The following TASP1 variants were observed in gnomAD, a reference collection of about 807,000 sequenced individuals.
TASP1 encodes the protein threonine aspartase 1.
TASP1 carries 16 observed loss-of-function variants against 56.6 expected under a neutral mutation model. The observed-to-expected ratio is 0.28, with a 90% CI of 0.19 to 0.43. The LOEUF is 0.43. Ranked by LOEUF, TASP1 falls within the 20% of genes least tolerant of loss-of-function variation. The probability of loss-of-function intolerance (pLI) is 1.00; values close to 1 mark genes in which losing one functional copy is unlikely to be tolerated. For missense variants in TASP1, 393 were observed against 511.6 expected, an observed-to-expected ratio of 0.77 and a Z score of 2.24; for synonymous variants, 179 against 184.2, an observed-to-expected ratio of 0.97 and a Z score of 0.23.
chr20:13,298,560 C>T, the TASP1 span, among the ~76,000 whole-genome samples: 2 of 152,066 alleles, frequency 1.3e-5, no homozygotes, highest in Non-Finnish European at 2.9e-5. Flanking sequence ...TATATTTCCA[C>T]AACATTTTTT....
chr20:13,462,297 G>A (rs2044082257), intron 11 of TASP1, among the ~76,000 whole-genome samples: 1 of 152,144 alleles, frequency 6.6e-6, no homozygotes, highest in Non-Finnish European at 1.5e-5. Flanking sequence ...CATTTGAAAT[G>A]TGGCTAGTAC....
chr20:13,106,410 A>G, the TASP1 span, among the ~76,000 whole-genome samples: 1 of 152,188 alleles, frequency 6.6e-6, no homozygotes, highest in Non-Finnish European at 1.5e-5. Flanking sequence ...ACAAGTCGGG[A>G]GGGACACCAA....
the TASP1 span, among the ~76,000 whole-genome samples, chr20:13,348,986 G>A: frequency 0.011 from 1,621 of 152,260 alleles, 42 homozygotes; most frequent in African/African-American, 0.037. Context: ...AGAGCAGTAC[G>A]GTTAACTTCA....
the TASP1 span, among the ~76,000 whole-genome samples, chr20:13,146,112 C>T: frequency 4.6e-5 from 7 of 152,190 alleles, no homozygotes; most frequent in African/African-American, 1.7e-4. Context: ...AGAACAAGAT[C>T]ATGTCTTTTG....
chr20:13,419,669 G>A (rs1341744945), intron 12 of TASP1, among the ~76,000 whole-genome samples: 7 of 152,190 alleles, frequency 4.6e-5, no homozygotes, highest in Admixed American at 3.3e-4. Flanking sequence ...GGAGACAAGT[G>A]TTTGAGTTGA....
At chr20:13,221,373 C>T in the TASP1 span, among the ~76,000 whole-genome samples, 1 of 148,062 alleles carries the variant, frequency 6.8e-6, no homozygotes, top group African/African-American at 2.4e-5. Flanking sequence ...GGCTCGGCTG[C>T]GCCCGCCCCG....
the TASP1 span, among the ~76,000 whole-genome samples, chr20:13,310,323 G>GA: frequency 5.3e-5 from 8 of 152,308 alleles, no homozygotes; most frequent in East Asian, 1.5e-3. Flanking sequence ...ACACAATGGG[G>GA]AAAGGGTGGT....
At chr20:13,635,186 GA>G (rs1048609824) in intron 1 of TASP1, among the ~76,000 whole-genome samples, 6 of 150,994 alleles carry the variant, frequency 4.0e-5, no homozygotes, top group Non-Finnish European at 3.0e-5. Context: ...TAAGCTGTTC[GA>G]AAAAAAAGAA....
At chr20:13,234,887 T>G in the TASP1 span, among the ~76,000 whole-genome samples, 8 of 152,206 alleles carry the variant, frequency 5.3e-5, no homozygotes, top group Non-Finnish European at 1.0e-4. Flanking sequence ...TTTTTGCATC[T>G]GATAGTTTGC....
At chr20:13,356,613 C>T in the TASP1 span, among the ~76,000 whole-genome samples, 2 of 152,190 alleles carry the variant, frequency 1.3e-5, no homozygotes, top group Admixed American at 1.3e-4. Context: ...CTCCATGGAG[C>T]AGACCTTCTT....
chr20:13,608,661 T>C (rs1311200599), intron 4 of TASP1, among the ~76,000 whole-genome samples: 1 of 152,270 alleles, frequency 6.6e-6, no homozygotes, highest in African/African-American at 2.4e-5. Context: ...ATTCTTCTTT[T>C]GATTTTGTTT....
chr20:13,111,200 G>A, the TASP1 span, among the ~76,000 whole-genome samples: 7 of 152,084 alleles, frequency 4.6e-5, no homozygotes, highest in Non-Finnish European at 7.4e-5. Context: ...CAGTCCTACT[G>A]TGGGAAATGC....
chr20:13,510,490 C>T (rs779666219), intron 10 of TASP1, among the ~76,000 whole-genome samples: 1 of 152,132 alleles, frequency 6.6e-6, no homozygotes, highest in African/African-American at 2.4e-5. Context: ...CAAAAACATC[C>T]ATTTTCTATG....
At chr20:13,302,602 A>C in the TASP1 span, among the ~76,000 whole-genome samples, 1 of 152,340 alleles carries the variant, frequency 6.6e-6, no homozygotes, top group African/African-American at 2.4e-5. Flanking sequence ...GTAAGGAATG[A>C]GCAAGGCCAC....
At chr20:13,591,320 A>T (rs1341678743) in intron 4 of TASP1, among the ~76,000 whole-genome samples, 1 of 152,206 alleles carries the variant, frequency 6.6e-6, no homozygotes, top group Non-Finnish European at 1.5e-5. Flanking sequence ...GCTGAAAACC[A>T]GCAATAAAAT....
the TASP1 span, among the ~76,000 whole-genome samples, chr20:13,363,611 A>G: frequency 6.6e-6 from 1 of 152,232 alleles, no homozygotes; most frequent in South Asian, 2.1e-4. Flanking sequence ...GTGACAACCT[A>G]CTACTGTATT....
chr20:13,436,033 T>G (rs2042989163), intron 11 of TASP1, among the ~76,000 whole-genome samples: 1 of 152,110 alleles, frequency 6.6e-6, no homozygotes, highest in African/African-American at 2.4e-5. Context: ...AGGAAAAAAC[T>G]GACCTTTTGG....
chr20:13,537,712 T>C (rs1341109033), intron 8 of TASP1, among the ~76,000 whole-genome samples: 1 of 152,176 alleles, frequency 6.6e-6, no homozygotes, highest in African/African-American at 2.4e-5. Flanking sequence ...TATAAAACTA[T>C]AGTCCTCTTC....
the TASP1 span, chr20:13,222,004 G>T: frequency 8.5e-7 from 1 of 1,178,090 alleles, no homozygotes; most frequent in Non-Finnish European, 1.1e-6. Context: ...GATGCAGGGA[G>T]GCAGGTCCCC....
Sources: allele counts gnomAD v4.1 joint callset (sites outside exome capture counted in the v4.1 genomes callset), GRCh38; gene constraint gnomAD v4.1.1; transcripts MANE v1.5; gene names NCBI Gene and HGNC (gene_info 2026-07-23, HGNC 2026-07-21).